KAT6A: variants seen among roughly 807,000 people sequenced by gnomAD.
The protein encoded by KAT6A is histone acetyltransferase KAT6A.
A neutral mutation model predicts 198.4 loss-of-function variants in KAT6A; 9 were observed. That is an observed-to-expected ratio of 0.05 (90% CI 0.03 to 0.08). KAT6A has a LOEUF of 0.08. KAT6A is among the 10% of genes least tolerant of loss of function. The probability of loss-of-function intolerance (pLI) is 1.00; values close to 1 mark genes in which losing one functional copy is unlikely to be tolerated. For missense variants in KAT6A, 2,077 were observed against 2,509.9 expected (o/e 0.83, Z 3.69); for synonymous variants, 890 against 883.0 (o/e 1.01, Z -0.14).
chr8:41,943,998 C>T lies in KAT6A; in HGVS notation c.1997-19G>A, dbSNP rs138912538. The T allele has an allele frequency of 3.8e-6, 6 of 1,578,454 alleles. No individual in the cohort carries two copies. In the East Asian group the frequency reaches 1.3e-4, roughly 35 times the overall value. ...AAATAACCTAAAGAATCACAAATAA[C>T]TCAAATCAGAACTAGGTCAGCAACT... On this transcript the variant is annotated intron_variant, in intron 12 of 16. Transcript: ENST00000265713.
intron 2 of KAT6A, 68 bp downstream of exon 2, chr8:42,048,310 C>A: frequency 6.5e-7 from 1 of 1,539,890 alleles, no homozygotes; most frequent in South Asian, 1.2e-5. Flanking sequence ...TATAACTTCC[C>A]AGAAATGTGA....
Position 41,930,688 on chromosome 8 carries a change from G to GTA in KAT6A, c.*1516_*1517insTA. 1 of 71,234 alleles carries GTA rather than the reference G, an allele frequency of 1.4e-5. No individual in the cohort carries two copies. The highest frequency in any genetic ancestry group is 7.9e-5 in the African/African-American group (1 of 12,718). 4.4% of individuals were successfully genotyped at this position (71,234 alleles called of 1,614,324 possible). ...GGAATATATATATATATATATGTGT[G>GTA]TGTGTGTGTGTGTGTGTGTGTGTAT... On this transcript the variant is annotated 3_prime_UTR_variant, in exon 17 of 17. Coordinates refer to ENST00000265713, the MANE Select transcript of KAT6A (RefSeq NM_006766.5).
chr8:41,965,806 G>A (rs1163151439), intron 8 of KAT6A, among the ~76,000 whole-genome samples: 3 of 152,254 alleles, frequency 2.0e-5, no homozygotes, highest in African/African-American at 4.8e-5. Flanking sequence ...TCGGCATGAC[G>A]GGATTTTAAG....
chr8:42,045,931 G>A (rs1802265150), intron 2 of KAT6A, among the ~76,000 whole-genome samples: 1 of 151,994 alleles, frequency 6.6e-6, no homozygotes. Flanking sequence ...GTTGCAGTGA[G>A]CTGAGATCAC....
intron 9 of KAT6A, among the ~76,000 whole-genome samples, chr8:41,953,776 C>T (rs927570139): frequency 6.6e-6 from 1 of 152,130 alleles, no homozygotes; most frequent in Admixed American, 6.6e-5. Context: ...TATTTCTTCT[C>T]GGTCATAAAA....
Position 41,932,217 on chromosome 8 carries a change from G to T in KAT6A, c.6003C>A (p.Tyr2001Ter). The T allele has an allele frequency of 6.3e-7, 1 of 1,584,548 alleles. No individual in the cohort carries two copies. Among genetic ancestry groups the T allele is most frequent in the Admixed American group, 1.8e-5 (1 of 55,394 alleles). The change falls in exon 17 of 17, where the codon TAC becomes TAA. Residue 2001 changes from tyrosine to a stop codon, truncating the protein, a stop_gained. Coordinates refer to ENST00000265713, the MANE Select transcript of KAT6A (RefSeq NM_006766.5). LOFTEE classifies it high-confidence loss of function. ...AAGTTCATCTTGCTCATCTTCTCATGTAAGGTCCGTTGAGTGACTGCTTGG... is the reference window on the plus strand; with the variant it reads ...AAGTTCATCTTGCTCATCTTCTCATTTAAGGTCCGTTGAGTGACTGCTTGG... ...GVPKQSLNGPYMRR is the reference protein window; with the variant it reads ...GVPKQSLNGP
At position 42,039,902 on chromosome 8, in the gene KAT6A, ATT is replaced by A. The variant is rs56756690; in HGVS notation, c.600+8474_600+8475del. On this transcript the variant is annotated intron_variant, in intron 2 of 16. Coordinates refer to ENST00000265713, the MANE Select transcript of KAT6A (RefSeq NM_006766.5). ...GCGCCCACCACAATGCCTGGCTAATATTTTTTTTTTTTCTTTTGTATTTTTTA... is the reference window on the plus strand; with the variant it reads ...GCGCCCACCACAATGCCTGGCTAATATTTTTTTTTTCTTTTGTATTTTTTA... Among the ~76,000 whole-genome samples, 4 of 144,430 alleles carry A rather than the reference ATT, an allele frequency of 2.8e-5. No individual in the cohort carries two copies. In the East Asian group the frequency reaches 6.1e-4, roughly 22 times the overall value. The allele number at this position is 144,430 out of a possible 152,430, so 94.8% of individuals were successfully genotyped here.
chr8:41,953,293 G>A (rs1822755771), intron 9 of KAT6A, among the ~76,000 whole-genome samples: 3 of 152,142 alleles, frequency 2.0e-5, no homozygotes, highest in Non-Finnish European at 2.9e-5. Context: ...GAGTAGACAA[G>A]GGGCCTGTGG....
chr8:41,984,613 A>G (rs1286049716), intron 3 of KAT6A, among the ~76,000 whole-genome samples: 2 of 152,190 alleles, frequency 1.3e-5, no homozygotes, highest in African/African-American at 2.4e-5. Context: ...TTAAGCTGCT[A>G]AGATTTAGAG....
intron 9 of KAT6A, 102 bp downstream of exon 9, chr8:41,955,194 A>C: frequency 4.0e-6 from 3 of 741,426 alleles, no homozygotes; most frequent in Non-Finnish European, 6.9e-6. Flanking sequence ...CAGTTTCCTC[A>C]AATGTAAAGG....
Position 41,980,899 on chromosome 8 carries a change from T to C in KAT6A, c.854A>G (p.Asp285Gly). 6.2e-7 allele frequency: 1 copy of C among 1,613,206 alleles called. No individual in the cohort carries two copies. Among genetic ancestry groups the C allele is most frequent in the Non-Finnish European group, 8.5e-7 (1 of 1,179,502 alleles). ...ADNMLFCDSC[D>G]RGFHMECCDP... ...ACAACACTCCATGTGAAAACCTCGGTCACATGAATCACAAAAGAGCATGTT... is the reference window on the plus strand; with the variant it reads ...ACAACACTCCATGTGAAAACCTCGGCCACATGAATCACAAAAGAGCATGTT... The change falls in exon 5 of 17, where the codon GAC becomes GGC. Residue 285 changes from aspartate (D) to glycine (G), a missense_variant. Asp to Gly is a moderately conservative substitution (Grantham distance 94). This residue lies in a region of KAT6A where 89 missense variants were observed against 154.4 expected (regional missense o/e 0.58). Coordinates refer to ENST00000265713, the MANE Select transcript of KAT6A (RefSeq NM_006766.5).
intron 2 of KAT6A, among the ~76,000 whole-genome samples, chr8:42,031,813 T>C (rs1310958340): frequency 1.3e-5 from 2 of 151,400 alleles, no homozygotes; most frequent in Non-Finnish European, 2.9e-5. Flanking sequence ...GTATTTTTAG[T>C]AGAGATAGGG....
At chr8:41,985,840 G>C (rs927061835) in intron 3 of KAT6A, among the ~76,000 whole-genome samples, 1 of 152,108 alleles carries the variant, frequency 6.6e-6, no homozygotes, top group Non-Finnish European at 1.5e-5. Flanking sequence ...ACTAAATCAT[G>C]GTTGTTATCA....
chr8:41,986,879 A>C (rs745378388), intron 3 of KAT6A, among the ~76,000 whole-genome samples: 22 of 152,092 alleles, frequency 1.4e-4, no homozygotes, highest in Non-Finnish European at 2.8e-4. Context: ...CTCTACTAAA[A>C]ATATAAAAAT....
At chr8:41,997,028 G>C (rs975910387) in intron 2 of KAT6A, among the ~76,000 whole-genome samples, 1 of 152,148 alleles carries the variant, frequency 6.6e-6, no homozygotes, top group African/African-American at 2.4e-5. Flanking sequence ...ATGGGAAGTG[G>C]AGAATGGGAA....
At position 42,013,708 on chromosome 8, in the gene KAT6A, C is replaced by G. The variant is rs73628563; in HGVS notation, c.601-26145G>C. Among the ~76,000 whole-genome samples the G allele has an allele frequency of 8.9e-3, 1,351 of 152,256 alleles. 20 individuals carry two copies. The highest frequency in any genetic ancestry group is 0.03 in the African/African-American group (1,240 of 41,532). On this transcript the variant is annotated intron_variant, in intron 2 of 16. Transcript: ENST00000265713. ...TCCTTGATATTTACTTATTTATTAA[C>G]CTATTTTATCTAAACAGAGGGTGGT...
intron 8 of KAT6A, among the ~76,000 whole-genome samples, chr8:41,967,274 A>AATTTATTTATTTATTTATGT (rs1823550822): frequency 3.5e-5 from 5 of 142,798 alleles, no homozygotes; most frequent in Non-Finnish European, 7.6e-5. Flanking sequence ...TAAAAAAAAA[A>AATTTATTTATTTATTTATGT]ATTTATTTAT....
In KAT6A at chr8:41,942,966, C is replaced by T. The variant is rs1328880154; in HGVS notation, c.2263G>A (p.Asp755Asn). 6.2e-7 allele frequency: 1 copy of T among 1,614,082 alleles called. No individual in the cohort carries two copies. ...VIIRREKLIQ[D>N]HMAKLQLNLR... ...TTCAGCTGAAGCTTTGCCATGTGAT[C>T]CTGGATAAGTTTTTCCCGGCGGATA... The change falls in exon 14 of 17, where the codon GAT becomes AAT. Residue 755 changes from aspartate (D) to asparagine (N), a missense_variant. Physicochemically the swap from Asp to Asn is conservative, Grantham distance 23. Around this residue, in one of 13 missense-constraint regions of KAT6A, gnomAD observed 127 missense variants for 209.6 expected, o/e 0.61. Transcript: ENST00000265713.
intron 16 of KAT6A, among the ~76,000 whole-genome samples, chr8:41,936,327 T>C (rs1266550928): frequency 6.6e-6 from 1 of 152,198 alleles, no homozygotes; most frequent in African/African-American, 2.4e-5. Context: ...GGAGAAAATG[T>C]AAGTTTATCT....
Sources: gnomAD v4.1 joint callset for allele counts (sites outside exome capture counted in the v4.1 genomes callset) on GRCh38, gnomAD v4.1.1 for gene constraint, gnomAD v4.1.1 regional missense constraint, MANE v1.5 for transcripts, NCBI Gene and HGNC (gene_info 2026-07-23, HGNC 2026-07-21) for gene names.